The following CDH18 variants were observed in gnomAD, a reference collection of about 807,000 sequenced individuals.
CDH18 encodes the protein cadherin-18.
A neutral mutation model predicts 67.9 loss-of-function variants in CDH18; 31 were observed. The observed-to-expected ratio is 0.46, with a 90% CI of 0.34 to 0.62. The LOEUF (loss-of-function observed/expected upper bound fraction) is 0.62, where lower values mean the gene tolerates loss of function less well. CDH18 is among the 20% of genes least tolerant of loss of function. The pLI is 0.01. For synonymous variants in CDH18, 362 were observed against 347.2 expected (o/e 1.04, Z -0.48); for missense variants, 890 against 975.5 (o/e 0.91, Z 1.17).
rs1770089497 is a variant in CDH18 at position 19,746,997 on chromosome 5, A to C, written c.468T>G (p.Ala156=). 1.2e-6 allele frequency: 2 copies of C among 1,614,102 alleles called. No individual in the cohort carries two copies. Among genetic ancestry groups the C allele is most frequent in the Non-Finnish European group, 1.7e-6 (2 of 1,180,002 alleles). Residue 156 remains alanine, a synonymous_variant, in exon 4 of 13, where the codon GCT becomes GCG. Coordinates refer to ENST00000382275, the MANE Select transcript of CDH18 (RefSeq NM_004934.5). The part of the protein sequence containing the change: ...IIKVQDINDN[A]PKFTDGPYIV... ...TGTATGGTCCATCTGTGAATTTTGG[A>C]GCGTTGTCATTGATGTCTTGCACTT...
intron 6 of CDH18, among the ~76,000 whole-genome samples, chr5:19,591,519 T>G (rs376267733): frequency 6.6e-6 from 1 of 152,082 alleles, no homozygotes; most frequent in Non-Finnish European, 1.5e-5. Context: ...TACAGACAAT[T>G]AGAAGAGAGG....
intron 2 of CDH18, among the ~76,000 whole-genome samples, chr5:19,960,039 G>T (rs1796636030): frequency 6.6e-6 from 1 of 152,092 alleles, no homozygotes; most frequent in Admixed American, 6.5e-5. Context: ...GTGAGTCAAT[G>T]AGTGAGTGAT....
intron 7 of CDH18, among the ~76,000 whole-genome samples, chr5:19,590,558 T>C (rs1443593727): frequency 6.6e-6 from 1 of 151,874 alleles, no homozygotes; most frequent in Non-Finnish European, 1.5e-5. Flanking sequence ...CACATCAACA[T>C]CTACAGTAGG....
intron 1 of CDH18, among the ~76,000 whole-genome samples, chr5:20,296,360 TCTCCTGCC>T (rs1279747807): frequency 1.4e-4 from 21 of 151,410 alleles, no homozygotes; most frequent in South Asian, 4.2e-4. Context: ...TTCAGGCCAT[TCTCCTGCC>T]CTCCTGCCTC....
intron 1 of CDH18, among the ~76,000 whole-genome samples, chr5:20,543,280 G>C (rs1184728704): frequency 2.0e-5 from 3 of 151,806 alleles, no homozygotes; most frequent in African/African-American, 7.2e-5. Flanking sequence ...TCATCTTATT[G>C]TTAGAAGTTC....
chr5:20,185,169 T>C (rs67834270), intron 2 of CDH18, among the ~76,000 whole-genome samples: 15,465 of 152,116 alleles, frequency 0.1, 1,066 homozygotes, highest in African/African-American at 0.19. Flanking sequence ...TCACATGCCA[T>C]ATCAAATTCA....
intron 2 of CDH18, among the ~76,000 whole-genome samples, chr5:19,867,756 T>C (rs1295112622): frequency 1.3e-5 from 2 of 152,230 alleles, no homozygotes; most frequent in East Asian, 1.9e-4. Context: ...TGTTTCTAAA[T>C]ACACATTTTG....
intron 2 of CDH18, among the ~76,000 whole-genome samples, chr5:19,972,149 T>C (rs750716126): frequency 6.8e-6 from 1 of 147,530 alleles, no homozygotes; most frequent in Non-Finnish European, 1.5e-5. Flanking sequence ...TTAAATATGA[T>C]GAACAAATTG....
At chr5:20,315,823 T>C (rs1344697608) in intron 1 of CDH18, among the ~76,000 whole-genome samples, 2 of 152,158 alleles carry the variant, frequency 1.3e-5, no homozygotes, top group Admixed American at 1.3e-4. Flanking sequence ...CATGTACTTA[T>C]CACTTATGAT....
chr5:20,400,008 A>C (rs1392171960), intron 1 of CDH18, among the ~76,000 whole-genome samples: 1 of 152,178 alleles, frequency 6.6e-6, no homozygotes, highest in African/African-American at 2.4e-5. Flanking sequence ...TATTTTAATT[A>C]TCAAATCCTC....
intron 8 of CDH18, among the ~76,000 whole-genome samples, chr5:19,566,757 C>T (rs941454727): frequency 2.0e-5 from 3 of 152,090 alleles, no homozygotes; most frequent in African/African-American, 7.2e-5. Context: ...GAAAGGAAAC[C>T]AGTACACTGA....
Position 20,538,909 on chromosome 5 carries a change from G to GTTT in CDH18, c.-580+36550_-580+36552dup, listed in dbSNP as rs35247774. Among the ~76,000 whole-genome samples, 57 of 118,730 alleles carry GTTT rather than the reference G, an allele frequency of 4.8e-4. 3 individuals are homozygous for GTTT. The East Asian group carries it at 0.011, about 23-fold the overall frequency. 77.9% of individuals were successfully genotyped at this position (118,730 alleles called of 152,430 possible). A position where few individuals can be genotyped will look rare whatever the true frequency, so the allele number is the denominator to read the frequency against. On this transcript the variant is annotated intron_variant, in intron 1 of 14. Coordinates refer to the CDH18 transcript ENST00000507958. Reference sequence around the variant, plus strand: ...CCACATAGCCAACTGTTTTTTTTTTGTTTTTTTTTTTTTTTGTCGCCCAGG... The same window carrying GTTT: ...CCACATAGCCAACTGTTTTTTTTTTGTTTTTTTTTTTTTTTTTTGTCGCCCAGG...
chr5:19,634,987 A>C (rs1333337451), intron 5 of CDH18, among the ~76,000 whole-genome samples: 1 of 152,016 alleles, frequency 6.6e-6, no homozygotes, highest in Non-Finnish European at 1.5e-5. Context: ...GTGGGTGCTC[A>C]TAATTTTTAT....
At chr5:19,678,568 G>T (rs1759828109) in intron 5 of CDH18, among the ~76,000 whole-genome samples, 1 of 151,686 alleles carries the variant, frequency 6.6e-6, no homozygotes, top group African/African-American at 2.4e-5. Context: ...CACACTTAGA[G>T]AAACCAGAGA....
chr5:20,093,919 T>G (rs1436716280), intron 2 of CDH18, among the ~76,000 whole-genome samples: 1 of 152,140 alleles, frequency 6.6e-6, no homozygotes, highest in Admixed American at 6.5e-5. Context: ...ACCAATGTTT[T>G]GAAGAGAAAG....
At chr5:20,167,519 T>C (rs950869932) in intron 2 of CDH18, among the ~76,000 whole-genome samples, 1 of 151,786 alleles carries the variant, frequency 6.6e-6, no homozygotes, top group African/African-American at 2.4e-5. Context: ...GAAAAATAAA[T>C]AAAAGAGAAC....
At chr5:20,485,286 T>G (rs1753091049) in intron 1 of CDH18, among the ~76,000 whole-genome samples, 1 of 152,154 alleles carries the variant, frequency 6.6e-6, no homozygotes, top group South Asian at 2.1e-4. Flanking sequence ...ACTAATGGCT[T>G]GAGTTATACT....
intron 2 of CDH18, among the ~76,000 whole-genome samples, chr5:19,949,835 T>C (rs918388877): frequency 1.3e-5 from 2 of 151,934 alleles, no homozygotes; most frequent in African/African-American, 2.4e-5. Flanking sequence ...TCTCACTACT[T>C]GGAATCTACC....
At chr5:20,501,893 TACACAC>T (rs61655025) in intron 1 of CDH18, among the ~76,000 whole-genome samples, 5 of 145,020 alleles carry the variant, frequency 3.4e-5, no homozygotes, top group African/African-American at 1.3e-4. Context: ...AATACTTCCT[TACACAC>T]ACACACACAC....
Sources: gnomAD v4.1 joint callset for allele counts (sites outside exome capture counted in the v4.1 genomes callset) on GRCh38, gnomAD v4.1.1 for gene constraint, MANE v1.5 for transcripts, NCBI Gene and HGNC (gene_info 2026-07-23, HGNC 2026-07-21) for gene names.